FBXO15: variants seen among roughly 807,000 people sequenced by gnomAD.
FBXO15 encodes F-box protein 15.
In FBXO15, 30 loss-of-function variants were observed where a neutral mutation model predicts 49.5. That is an observed-to-expected ratio of 0.61 (90% confidence interval 0.45 to 0.82). FBXO15 has a LOEUF of 0.82. Ranked by LOEUF, FBXO15 falls within the 40% of genes least tolerant of loss-of-function variation. FBXO15 has a pLI of 0.00. For missense variants in FBXO15, 591 were observed against 631.5 expected (o/e 0.94, Z 0.69); for synonymous variants, 250 against 232.7 (o/e 1.07, Z -0.68).
At position 74,073,627 on chromosome 18, in the gene FBXO15, C is replaced by T. The variant is rs191921902; in HGVS notation, c.1367G>A (p.Ser456Asn). The change falls in exon 10 of 10, where the codon AGC (serine) becomes AAC (asparagine). Residue 456 changes from serine to asparagine, a missense_variant. Coordinates refer to ENST00000419743, the MANE Select transcript of FBXO15 (RefSeq NM_001142958.2). ...CLRSPATPSD[S>N]SSFLGQTYNV... ...GTATGTCTGTCCCAAGAAGCTAGAG[C>T]TGTCAGAGGGTGTGGCAGGCGATCT... 11 of 1,614,208 alleles carry T rather than the reference C, an allele frequency of 6.8e-6. No homozygotes were observed. The highest frequency in any genetic ancestry group is 9.3e-6 in the Non-Finnish European group (11 of 1,180,022).
At chr18:74,085,786 T>C (rs1246168066) in intron 8 of FBXO15, among the ~76,000 whole-genome samples, 1 of 152,114 alleles carries the variant, frequency 6.6e-6, no homozygotes, top group Non-Finnish European at 1.5e-5. Context: ...TATCTTCTAA[T>C]TTACACAAAA....
rs773165597 is a variant in FBXO15 at position 74,081,933 on chromosome 18, A to C, written c.1257T>G (p.Cys419Trp). ...LSWKTDIFDGCIKSCSMMDVT... is the reference protein window; with the variant it reads ...LSWKTDIFDGWIKSCSMMDVT... Reference sequence around the variant, plus strand: ...AAAACGGTTCTGTTTTTACCTTTATACAGCCATCAAAAATATCAGTTTTCC... The same window carrying C: ...AAAACGGTTCTGTTTTTACCTTTATCCAGCCATCAAAAATATCAGTTTTCC... Residue 419 changes from cysteine (C) to tryptophan (W), a missense_variant, in exon 9 of 10, where the codon TGT (cysteine) becomes TGG (tryptophan). Cys to Trp is a radical substitution (Grantham distance 215, BLOSUM62 -2). Transcript: ENST00000419743. 1.2e-6 allele frequency: 2 copies of C among 1,610,870 alleles called. No homozygotes were observed. The highest frequency in any genetic ancestry group is 1.7e-6 in the Non-Finnish European group (2 of 1,178,616).
Position 74,102,822 on chromosome 18 carries a change from G to T in FBXO15, c.1138+20546C>A, listed in dbSNP as rs185436104. ...CATTTGCAGCAACCTGGATGGGACT[G>T]GAGACTATTATTCTAAGTGAAGTAA... On this transcript the variant is annotated intron_variant, in intron 8 of 9. Transcript: ENST00000419743. Among the ~76,000 whole-genome samples, 28 of 152,256 alleles carry T rather than the reference G, an allele frequency of 1.8e-4. No individual in the cohort carries two copies. The East Asian group carries it at 5.4e-3, about 29-fold the overall frequency.
chr18:74,127,492 GA>G (rs1448993172), intron 5 of FBXO15, among the ~76,000 whole-genome samples: 1 of 152,158 alleles, frequency 6.6e-6, no homozygotes, highest in African/African-American at 2.4e-5. Context: ...CACTGTTGTT[GA>G]AAAACTTCTC....
At chr18:74,101,792 A>G (rs1913532680) in intron 8 of FBXO15, among the ~76,000 whole-genome samples, 1 of 152,180 alleles carries the variant, frequency 6.6e-6, no homozygotes, top group African/African-American at 2.4e-5. Flanking sequence ...AACAGAATAG[A>G]GAATCCAGAA....
intron 8 of FBXO15, among the ~76,000 whole-genome samples, chr18:74,094,715 C>T (rs1002018630): frequency 6.6e-6 from 1 of 152,176 alleles, no homozygotes; most frequent in Admixed American, 6.5e-5. Flanking sequence ...CCTAGGATTT[C>T]AGAATGGTAA....
At chr18:74,077,330 CA>C (rs1285299485) in intron 9 of FBXO15, among the ~76,000 whole-genome samples, 1 of 152,158 alleles carries the variant, frequency 6.6e-6, no homozygotes, top group East Asian at 1.9e-4. Context: ...TCAGGGGCAG[CA>C]AACACCAGGA....
At chr18:74,091,168 T>C (rs1245106591) in intron 8 of FBXO15, among the ~76,000 whole-genome samples, 2 of 152,178 alleles carry the variant, frequency 1.3e-5, no homozygotes, top group African/African-American at 4.8e-5. Context: ...TCAATTTTGA[T>C]TTTTGTTGGT....
intron 4 of FBXO15, 109 bp from the exon 5 acceptor site, chr18:74,129,723 G>A: frequency 2.3e-6 from 2 of 880,474 alleles, no homozygotes; most frequent in Non-Finnish European, 1.7e-6. Context: ...AAAAGCCAAA[G>A]TCAAAATTCT....
intron 1 of FBXO15, among the ~76,000 whole-genome samples, chr18:74,140,958 G>C (rs888737904): frequency 1.3e-5 from 2 of 152,090 alleles, no homozygotes; most frequent in African/African-American, 4.8e-5. Context: ...ATCTTTGAGG[G>C]TTCCAACTCT....
intron 8 of FBXO15, among the ~76,000 whole-genome samples, chr18:74,118,405 T>C (rs1343782157): frequency 7.3e-6 from 1 of 137,472 alleles, no homozygotes; most frequent in East Asian, 2.0e-4. Context: ...TATATACACA[T>C]ATATACACAT....
At chr18:74,136,329 C>T (rs565784655) in intron 2 of FBXO15, among the ~76,000 whole-genome samples, 8 of 152,204 alleles carry the variant, frequency 5.3e-5, no homozygotes, top group Non-Finnish European at 1.2e-4. Context: ...TACAGGCGCA[C>T]GCCGCCAAGC....
intron 9 of FBXO15, among the ~76,000 whole-genome samples, chr18:74,080,306 A>C (rs1463444344): frequency 6.6e-6 from 1 of 152,180 alleles, no homozygotes; most frequent in Non-Finnish European, 1.5e-5. Context: ...GCTTAGTCTT[A>C]ATACTGAATC....
At chr18:74,127,235 C>G (rs1978291797) in intron 5 of FBXO15, among the ~76,000 whole-genome samples, 1 of 138,720 alleles carries the variant, frequency 7.2e-6, no homozygotes, top group African/African-American at 3.4e-5. Flanking sequence ...GAGAAACCTT[C>G]TTCTCTGAAA....
Position 74,073,685 on chromosome 18 carries a change from G to A in FBXO15, c.1309C>T (p.Pro437Ser), listed in dbSNP as rs1326545847. ...ACCGGGGAACTGAAACACCAAAAGG[G>A]TTTCCCATGTTCATCCAAAAGAGTT... ...DVTLLDEHGK[P>S]FWCFSSPVCL... is the part of the protein sequence containing the mutation. Residue 437 changes from proline (P) to serine (S), a missense_variant, in exon 10 of 10, where the codon CCC (proline) becomes TCC (serine). Coordinates refer to ENST00000419743, the MANE Select transcript of FBXO15 (RefSeq NM_001142958.2). The A allele has an allele frequency of 6.8e-6, 11 of 1,613,924 alleles. No individual in the cohort carries two copies. Among genetic ancestry groups the A allele is most frequent in the African/African-American group, 2.7e-5 (2 of 74,908 alleles).
chr18:74,122,297 C>T (rs1395998902), intron 8 of FBXO15, among the ~76,000 whole-genome samples: 2 of 152,202 alleles, frequency 1.3e-5, no homozygotes, highest in African/African-American at 4.8e-5. Flanking sequence ...TCTCAAAAAC[C>T]TGCTGTCACA....
chr18:74,126,039 A>C lies in FBXO15; in HGVS notation c.848T>G (p.Ile283Ser). 6.2e-7 allele frequency: 1 copy of C among 1,614,146 alleles called. No individual in the cohort carries two copies. Among genetic ancestry groups the C allele is most frequent in the Non-Finnish European group, 8.5e-7 (1 of 1,179,990 alleles). ...GATCCGAATGAGTCTGTCACAGCCA[A>C]TCATGGTAGATATGGTCAAATGACT... ...NLSHLTISTM[I>S]GCDRLIRIFC... Residue 283 changes from isoleucine (I) to serine (S), a missense_variant, in exon 6 of 10, where the codon ATT (isoleucine) becomes AGT (serine). Transcript: ENST00000419743.
intron 8 of FBXO15, among the ~76,000 whole-genome samples, chr18:74,105,287 GAATTA>G (rs1913702857): frequency 2.0e-5 from 3 of 152,056 alleles, no homozygotes; most frequent in Admixed American, 2.0e-4. Context: ...AAAATAGTTA[GAATTA>G]AATAATTCAA....
chr18:74,073,400 C>A lies in FBXO15; in HGVS notation c.*61G>T. 1.3e-6 allele frequency: 2 copies of A among 1,546,856 alleles called. No individual in the cohort carries two copies. The highest frequency in any genetic ancestry group is 1.8e-6 in the Non-Finnish European group (2 of 1,140,406). On this transcript the variant is annotated 3_prime_UTR_variant, in exon 10 of 10. Coordinates refer to ENST00000419743, the MANE Select transcript of FBXO15 (RefSeq NM_001142958.2). ...ATTTGCTTTATTTTAATTTTCAACA[C>A]CAAGAACAAAGCCAGTCAAAAATAA...
Sources: allele counts gnomAD v4.1 joint callset (sites outside exome capture counted in the v4.1 genomes callset), GRCh38; gene constraint gnomAD v4.1.1; transcripts MANE v1.5; gene names NCBI Gene and HGNC (gene_info 2026-07-23, HGNC 2026-07-21).